The following BANK1 variants were observed in gnomAD, a reference collection of about 807,000 sequenced individuals.
The protein encoded by BANK1 is B cell scaffold protein with ankyrin repeats 1.
Under a neutral mutation model 94.5 loss-of-function variants are expected in BANK1, and 95 were observed. The ratio of observed to expected loss-of-function variants is 1.00; its 90% CI spans 0.85 to 1.19. BANK1 has a LOEUF of 1.19. BANK1 is among the 50% of genes most tolerant of loss of function. The probability of loss-of-function intolerance (pLI) is 0.00; values close to 1 mark genes in which losing one functional copy is unlikely to be tolerated. For synonymous variants in BANK1, 334 were observed against 308.4 expected, an observed-to-expected ratio of 1.08 and a Z score of -0.87; for missense variants, 987 against 932.2, an observed-to-expected ratio of 1.06 and a Z score of -0.77.
chr4:101,885,124 G>A (rs1199614133), intron 5 of BANK1, among the ~76,000 whole-genome samples: 1 of 152,160 alleles, frequency 6.6e-6, no homozygotes, highest in African/African-American at 2.4e-5. Flanking sequence ...CGCCATGTTG[G>A]CAGGCTAGTC....
chr4:102,053,158 A>G (rs1728110406), intron 11 of BANK1, among the ~76,000 whole-genome samples: 1 of 152,162 alleles, frequency 6.6e-6, no homozygotes, highest in Non-Finnish European at 1.5e-5. Context: ...GAACAGAGAT[A>G]CAACTCAAGT....
chr4:101,847,196 AGAGT>A (rs1391184314), intron 2 of BANK1, among the ~76,000 whole-genome samples: 8 of 83,996 alleles, frequency 9.5e-5, no homozygotes, highest in African/African-American at 3.1e-4. Context: ...TTGGGTTGGC[AGAGT>A]GTGTGTGTGT....
intron 2 of BANK1, 91 bp downstream of exon 2, chr4:101,830,297 G>A (rs1726567970): frequency 9.3e-7 from 1 of 1,075,356 alleles, no homozygotes; most frequent in South Asian, 2.0e-5. Flanking sequence ...ACCAATAACT[G>A]GTGTCAGGAT....
intron 6 of BANK1, among the ~76,000 whole-genome samples, chr4:101,914,780 A>G (rs1722776522): frequency 6.6e-6 from 1 of 152,200 alleles, no homozygotes; most frequent in Non-Finnish European, 1.5e-5. Context: ...TATTTTCTCC[A>G]TAAGGCATGC....
intron 11 of BANK1, among the ~76,000 whole-genome samples, chr4:102,055,692 T>A (rs532885960): frequency 2.6e-5 from 4 of 152,000 alleles, no homozygotes; most frequent in Non-Finnish European, 5.9e-5. Flanking sequence ...TTTGGCGACA[T>A]CATGAAAGAA....
intron 2 of BANK1, among the ~76,000 whole-genome samples, chr4:101,840,209 C>T (rs946806231): frequency 6.6e-6 from 1 of 151,184 alleles, no homozygotes; most frequent in African/African-American, 2.4e-5. Context: ...ACCTCGTGAT[C>T]CGCCCGCCTC....
chr4:101,842,126 A>G (rs1014341393), intron 2 of BANK1, among the ~76,000 whole-genome samples: 1 of 152,210 alleles, frequency 6.6e-6, no homozygotes, highest in African/African-American at 2.4e-5. Flanking sequence ...GTTATTTGAC[A>G]GATTGTGAAA....
chr4:101,893,759 T>G (rs1410822318), intron 5 of BANK1, among the ~76,000 whole-genome samples: 3 of 152,088 alleles, frequency 2.0e-5, no homozygotes, highest in Non-Finnish European at 4.4e-5. Flanking sequence ...ATCATAATTA[T>G]GCTAAAACCT....
chr4:101,810,355 A>T (rs533439784), intron 1 of BANK1, among the ~76,000 whole-genome samples: 3 of 152,356 alleles, frequency 2.0e-5, no homozygotes, highest in Admixed American at 2.0e-4. Context: ...ATTAGGAAAC[A>T]TACAGATATC....
At chr4:101,880,524 G>T (rs1245141474) in intron 5 of BANK1, among the ~76,000 whole-genome samples, 3 of 151,984 alleles carry the variant, frequency 2.0e-5, no homozygotes, top group South Asian at 2.1e-4. Flanking sequence ...CAGATTCAAT[G>T]CAATCCTATC....
intron 6 of BANK1, among the ~76,000 whole-genome samples, chr4:101,908,552 A>C (rs1722547251): frequency 2.0e-5 from 3 of 152,240 alleles, no homozygotes; most frequent in Non-Finnish European, 4.4e-5. Flanking sequence ...CAAAATTGAC[A>C]AATGGTATCT....
intron 1 of BANK1, among the ~76,000 whole-genome samples, chr4:101,804,400 A>G (rs1401234111): frequency 2.0e-5 from 3 of 152,210 alleles, no homozygotes; most frequent in Non-Finnish European, 4.4e-5. Context: ...AGGAAATTAC[A>G]TATTACAGTA....
In BANK1 at chr4:101,999,372, T is replaced by C. The variant is rs548870593; in HGVS notation, c.1207-22142T>C. Among the ~76,000 whole-genome samples, 7 of 152,344 alleles carry C rather than the reference T, an allele frequency of 4.6e-5. No individual in the cohort carries two copies. In the South Asian group the frequency reaches 6.2e-4, roughly 14 times the overall value. On this transcript the variant is annotated intron_variant, in intron 7 of 16. Transcript: ENST00000322953. ...GCAGCATAGCACTTCCAAATTTCTC[T>C]CTGCTTCTGCCCTAGTACTAATATT...
intron 7 of BANK1, among the ~76,000 whole-genome samples, chr4:101,947,827 C>A (rs1173401171): frequency 1.3e-5 from 2 of 151,976 alleles, no homozygotes; most frequent in African/African-American, 4.8e-5. Flanking sequence ...TTCATTACAA[C>A]AAATGAATCA....
chr4:101,855,193 A>C lies in BANK1; in HGVS notation c.624+4A>C. 6.2e-7 allele frequency: 1 copy of C among 1,611,554 alleles called. No homozygotes were observed. The highest frequency in any genetic ancestry group is 2.2e-5 in the East Asian group (1 of 44,854). On this transcript the variant is annotated splice_donor_region_variant and intron_variant, in intron 3 of 16. Coordinates refer to ENST00000322953, the MANE Select transcript of BANK1 (RefSeq NM_017935.5). Reference sequence around the variant, plus strand: ...TCCCACTGAAATTCCATGTGAGGTCAGTAAAGATACCTTGTTATTTAAGTG... The same window carrying C: ...TCCCACTGAAATTCCATGTGAGGTCCGTAAAGATACCTTGTTATTTAAGTG...
intron 7 of BANK1, among the ~76,000 whole-genome samples, chr4:101,955,365 C>G (rs1442601963): frequency 6.6e-6 from 1 of 152,134 alleles, no homozygotes; most frequent in African/African-American, 2.4e-5. Flanking sequence ...GACTAGATCT[C>G]TTTCTTGTCT....
At chr4:101,951,007 A>G (rs1724129784) in intron 7 of BANK1, among the ~76,000 whole-genome samples, 1 of 152,180 alleles carries the variant, frequency 6.6e-6, no homozygotes, top group Admixed American at 6.5e-5. Context: ...TTAAAAAGAC[A>G]TGACAACCAA....
At chr4:101,986,975 A>G (rs1284609509) in intron 7 of BANK1, among the ~76,000 whole-genome samples, 2 of 89,770 alleles carry the variant, frequency 2.2e-5, no homozygotes, top group African/African-American at 8.4e-5. Context: ...AGTAACCTCA[A>G]CTTGTCTAGA....
chr4:101,869,933 C>A (rs981144603), intron 4 of BANK1, among the ~76,000 whole-genome samples: 3 of 151,880 alleles, frequency 2.0e-5, no homozygotes, highest in Non-Finnish European at 4.4e-5. Flanking sequence ...TCATTTTGAA[C>A]AACTTGTTCT....
Sources: gnomAD v4.1 joint callset for allele counts (sites outside exome capture counted in the v4.1 genomes callset) on GRCh38, gnomAD v4.1.1 for gene constraint, MANE v1.5 for transcripts, NCBI Gene and HGNC (gene_info 2026-07-23, HGNC 2026-07-21) for gene names.